Variants in ERI1 observed in about 807,000 individuals in gnomAD.
The protein encoded by ERI1 is 3'-5' exoribonuclease 1.
In ERI1, 39 loss-of-function variants were observed where a neutral mutation model predicts 39.7. The ratio of observed to expected loss-of-function variants is 0.98; its 90% CI spans 0.76 to 1.28. The LOEUF is 1.28. Ranked by LOEUF, ERI1 falls within the 50% of genes most tolerant of loss-of-function variation. ERI1 has a pLI of 0.00. For missense variants in ERI1, 581 were observed against 416.9 expected, an observed-to-expected ratio of 1.39 and a Z score of -3.43; for synonymous variants, 204 against 149.6, an observed-to-expected ratio of 1.36 and a Z score of -2.65.
In ERI1 at chr8:9,029,807, A is replaced by G. The variant is rs1797456121; in HGVS notation, c.823A>G (p.Thr275Ala). ...TATTTTTCAGGTTCCTAGAAGCCAA[A>G]CCAAACTGACAATAATGCTTGAAAA... ...GNFYKVPRSQ[T>A]KLTIMLEKLG... Residue 275 changes from threonine (T) to alanine (A), a missense_variant, in exon 7 of 7, where the codon ACC becomes GCC. Transcript: ENST00000250263. The G allele has an allele frequency of 2.1e-5, 34 of 1,614,084 alleles. No individual in the cohort carries two copies. Among genetic ancestry groups the G allele is most frequent in the Non-Finnish European group, 2.9e-5 (34 of 1,180,042 alleles).
intron 3 of ERI1, among the ~76,000 whole-genome samples, chr8:9,015,740 A>AAAAAAAAAAAAAAAAAAAAAAAAG (rs1182633803): frequency 6.7e-6 from 1 of 148,410 alleles, no homozygotes; most frequent in African/African-American, 2.6e-5. Flanking sequence ...AAAAAAAAAA[A>AAAAAAAAAAAAAAAAAAAAAAAAG]AGAGACCATC....
intron 3 of ERI1, among the ~76,000 whole-genome samples, chr8:9,071,895 G>C (rs1398488177): frequency 1.3e-5 from 2 of 152,160 alleles, no homozygotes; most frequent in Non-Finnish European, 2.9e-5. Context: ...GTGAGACCTC[G>C]TCTCTACAAA....
rs1454478404 is a variant in ERI1, at chr8:9,091,446, A to G, written n.300-24902A>G. On this transcript the variant is annotated intron_variant and non_coding_transcript_variant, in intron 3 of 3. Transcript: ENST00000518663. Reference sequence around the variant, plus strand: ...TGAGGCAGGAGAATGGCTTGCACCCAGGAGGAGGAGGAGGTTGCATCATAG... The same window carrying G: ...TGAGGCAGGAGAATGGCTTGCACCCGGGAGGAGGAGGAGGTTGCATCATAG... 2.0e-5 allele frequency: 3 copies of G among 151,746 alleles called. No individual in the cohort carries two copies. In the East Asian group the frequency reaches 5.8e-4, roughly 29 times the overall value. 9.4% of individuals were successfully genotyped at this position (151,746 alleles called of 1,614,324 possible).
At chr8:9,089,914 G>C (rs748432289) in intron 3 of ERI1, among the ~76,000 whole-genome samples, 4 of 152,062 alleles carry the variant, frequency 2.6e-5, no homozygotes, top group Non-Finnish European at 5.9e-5. Context: ...TGAACAATGA[G>C]ACAGATTCCC....
chr8:9,038,893 C>A (rs1797934492), intron 3 of ERI1, among the ~76,000 whole-genome samples: 1 of 152,174 alleles, frequency 6.6e-6, no homozygotes, highest in Admixed American at 6.5e-5. Flanking sequence ...GGTCCAGCAT[C>A]AATTCTATAG....
chr8:9,089,310 G>T (rs1278180413), intron 3 of ERI1, among the ~76,000 whole-genome samples: 1 of 152,030 alleles, frequency 6.6e-6, no homozygotes, highest in African/African-American at 2.4e-5. Flanking sequence ...TTGCTGTGTT[G>T]CCCAGGCTGG....
chr8:9,074,277 AT>A (rs936269782), intron 3 of ERI1, among the ~76,000 whole-genome samples: 47 of 143,670 alleles, frequency 3.3e-4, no homozygotes, highest in East Asian at 1.2e-3. Flanking sequence ...TGCCTGGCTA[AT>A]TTTTTTTTTT....
chr8:9,028,678 C>T (rs1563335791), intron 6 of ERI1, among the ~76,000 whole-genome samples: 1 of 152,014 alleles, frequency 6.6e-6, no homozygotes, highest in Non-Finnish European at 1.5e-5. Context: ...GGCTGGAGTG[C>T]AGTGGAGTGA....
chr8:9,021,761 A>AT (rs869027047), intron 6 of ERI1, among the ~76,000 whole-genome samples: 1 of 110,640 alleles, frequency 9.0e-6, no homozygotes, highest in African/African-American at 4.0e-5. Flanking sequence ...TGGCTATATT[A>AT]TTTGTTTTTT....
At chr8:9,058,360 A>C (rs1223283729) in intron 3 of ERI1, among the ~76,000 whole-genome samples, 2 of 152,178 alleles carry the variant, frequency 1.3e-5, no homozygotes, top group Non-Finnish European at 2.9e-5. Context: ...ATGTCTGAGC[A>C]TTTCCAGAGT....
intron 3 of ERI1, among the ~76,000 whole-genome samples, chr8:9,050,658 G>A (rs1798329064): frequency 6.6e-6 from 1 of 152,148 alleles, no homozygotes; most frequent in Non-Finnish European, 1.5e-5. Flanking sequence ...GAGCTTTGAT[G>A]CGTATTAATA....
intron 3 of ERI1, among the ~76,000 whole-genome samples, chr8:9,080,455 G>C (rs972233505): frequency 2.0e-5 from 3 of 152,214 alleles, no homozygotes; most frequent in Admixed American, 1.3e-4. Context: ...TTAGCAGACA[G>C]AGACGTGAAC....
chr8:9,088,358 CA>C (rs1379306978), intron 3 of ERI1: 3 of 152,072 alleles, frequency 2.0e-5, no homozygotes, highest in Non-Finnish European at 2.9e-5. Flanking sequence ...TGCTGTTAAA[CA>C]TTGAACTATT....
Position 9,002,932 on chromosome 8 carries a change from T to G in ERI1, c.-132T>G. 2 of 602,094 alleles carry G rather than the reference T, an allele frequency of 3.3e-6. No homozygotes were observed. The highest frequency in any genetic ancestry group is 2.4e-6 in the Non-Finnish European group (1 of 413,094). The allele number at this position is 602,094 out of a possible 1,614,324, so 37.3% of individuals were successfully genotyped here. A position where few individuals can be genotyped will look rare whatever the true frequency, so the allele number is the denominator to read the frequency against. ...GGAAGTGGGAGGTGGCCGCTGGAGT[T>G]TGTGTGGCCGCCGCCGCGGGAACGC... On this transcript the variant is annotated 5_prime_UTR_variant, in exon 1 of 7. Coordinates refer to ENST00000250263, the MANE Select transcript of ERI1 (RefSeq NM_153332.4).
At chr8:9,080,078 A>G (rs1315354586) in intron 3 of ERI1, among the ~76,000 whole-genome samples, 1 of 151,878 alleles carries the variant, frequency 6.6e-6, no homozygotes. Context: ...AATAACACTG[A>G]TTAGTGATTG....
intron 1 of ERI1, among the ~76,000 whole-genome samples, chr8:9,003,455 G>T (rs1482805382): frequency 6.6e-6 from 1 of 152,196 alleles, no homozygotes; most frequent in Non-Finnish European, 1.5e-5. Context: ...ACTTAATTCT[G>T]TGTTCACGGT....
At chr8:9,033,624 C>G (rs1314817314), downstream of ERI1, among the ~76,000 whole-genome samples, 1 of 152,196 alleles carries the variant, frequency 6.6e-6, no homozygotes, top group Admixed American at 6.5e-5. Flanking sequence ...TACTTTACTC[C>G]ATTGTTTAGT....
intron 3 of ERI1, among the ~76,000 whole-genome samples, chr8:9,059,962 C>G (rs1798638835): frequency 6.6e-6 from 1 of 152,138 alleles, no homozygotes; most frequent in Non-Finnish European, 1.5e-5. Flanking sequence ...CATACAGGAG[C>G]TCAAATGGGC....
intron 3 of ERI1, among the ~76,000 whole-genome samples, chr8:9,013,366 G>C (rs957257842): frequency 1.3e-5 from 2 of 149,940 alleles, no homozygotes; most frequent in African/African-American, 2.5e-5. Context: ...CTGCTGGCTT[G>C]AATACTCTTT....
Sources: gnomAD v4.1 joint callset for allele counts (sites outside exome capture counted in the v4.1 genomes callset) on GRCh38, gnomAD v4.1.1 for gene constraint, MANE v1.5 for transcripts, NCBI Gene and HGNC (gene_info 2026-07-23, HGNC 2026-07-21) for gene names.